The following MAPK4 variants were observed in gnomAD, a reference collection of about 807,000 sequenced individuals.
MAPK4 encodes the protein mitogen-activated protein kinase 4.
In MAPK4, 22 loss-of-function variants were observed where a neutral mutation model predicts 47.7. The observed-to-expected ratio is 0.46, with a 90% CI of 0.33 to 0.66. The LOEUF is 0.66. Among genes scored for constraint, MAPK4 ranks in the 30% least tolerant of loss-of-function variants. The pLI, the probability that MAPK4 is intolerant of heterozygous loss-of-function variation, is 0.02. For missense variants in MAPK4, 736 were observed against 831.7 expected (o/e 0.88, Z 1.42); for synonymous variants, 390 against 365.7 (o/e 1.07, Z -0.76).
At chr18:50,708,182 A>T (rs980473734) in intron 2 of MAPK4, among the ~76,000 whole-genome samples, 20 of 118,860 alleles carry the variant, frequency 1.7e-4, no homozygotes, top group Non-Finnish European at 4.0e-4. Context: ...ATTCCTTTTT[A>T]AAAAAGGTTT....
At chr18:50,582,683 G>C (rs2042356313) in intron 1 of MAPK4, among the ~76,000 whole-genome samples, 1 of 152,228 alleles carries the variant, frequency 6.6e-6, no homozygotes, top group South Asian at 2.1e-4. Flanking sequence ...CACCTGCTTG[G>C]CCTGGCAGAC....
At chr18:50,666,413 T>A (rs1226428276) in intron 2 of MAPK4, among the ~76,000 whole-genome samples, 1 of 152,166 alleles carries the variant, frequency 6.6e-6, no homozygotes, top group Non-Finnish European at 1.5e-5. Flanking sequence ...ATCAAAATGA[T>A]CCATGAATGT....
chr18:50,651,836 C>T (rs1240158164), intron 1 of MAPK4, among the ~76,000 whole-genome samples: 2 of 152,248 alleles, frequency 1.3e-5, no homozygotes, highest in Admixed American at 1.3e-4. Context: ...ATTCCCAACT[C>T]TCACAGAAAA....
intron 3 of MAPK4, 21 bp downstream of exon 3, chr18:50,715,244 C>T (rs1378984490): frequency 1.2e-6 from 2 of 1,607,800 alleles, no homozygotes; most frequent in Admixed American, 1.7e-5. Context: ...AACTATGCCA[C>T]CTTCCTTCTC....
At chr18:50,581,989 G>T (rs1372838423) in intron 1 of MAPK4, among the ~76,000 whole-genome samples, 4 of 152,172 alleles carry the variant, frequency 2.6e-5, no homozygotes, top group African/African-American at 4.8e-5. Context: ...TTAAAAAGAG[G>T]TGGGCTTATC....
chr18:50,704,295 A>C (rs937972562), intron 2 of MAPK4, among the ~76,000 whole-genome samples: 2 of 152,100 alleles, frequency 1.3e-5, no homozygotes, highest in Non-Finnish European at 2.9e-5. Context: ...GCAATGCTTG[A>C]GCTCAGGAGT....
intron 2 of MAPK4, among the ~76,000 whole-genome samples, chr18:50,684,353 G>A (rs1015353268): frequency 1.3e-5 from 2 of 151,958 alleles, no homozygotes; most frequent in African/African-American, 2.4e-5. Flanking sequence ...GAGACCAGCC[G>A]CAGAAACATC....
intron 1 of MAPK4, among the ~76,000 whole-genome samples, chr18:50,573,209 A>G (rs553958794): frequency 6.6e-6 from 1 of 152,338 alleles, no homozygotes; most frequent in African/African-American, 2.4e-5. Context: ...AAGGTGGAGA[A>G]AAAAGAAGTC....
intron 5 of MAPK4, among the ~76,000 whole-genome samples, chr18:50,727,594 G>A (rs1007247581): frequency 2.0e-5 from 3 of 152,146 alleles, no homozygotes; most frequent in African/African-American, 7.2e-5. Flanking sequence ...AGAGCCTGGA[G>A]GCAAAGAACA....
chr18:50,679,576 G>A (rs1449033073), intron 2 of MAPK4, among the ~76,000 whole-genome samples: 1 of 152,092 alleles, frequency 6.6e-6, no homozygotes, highest in Non-Finnish European at 1.5e-5. Flanking sequence ...GGGTTGAAAA[G>A]CTCATCTAAG....
At chr18:50,587,093 T>C (rs1417324440) in intron 1 of MAPK4, among the ~76,000 whole-genome samples, 1 of 152,246 alleles carries the variant, frequency 6.6e-6, no homozygotes, top group Non-Finnish European at 1.5e-5. Context: ...GGTGTTATTA[T>C]CTCTATCATA....
intron 2 of MAPK4, among the ~76,000 whole-genome samples, chr18:50,684,595 G>C (rs1053637998): frequency 1.3e-5 from 2 of 151,784 alleles, no homozygotes; most frequent in African/African-American, 2.4e-5. Flanking sequence ...GGTGAGCTCT[G>C]CCTTCGGGGG....
chr18:50,580,998 C>T (rs568680698), intron 1 of MAPK4, among the ~76,000 whole-genome samples: 24 of 152,142 alleles, frequency 1.6e-4, no homozygotes, highest in Non-Finnish European at 2.8e-4. Context: ...TTCTGCTTAC[C>T]CAGTAGCACA....
At chr18:50,709,915 A>G (rs1376642641) in intron 2 of MAPK4, among the ~76,000 whole-genome samples, 1 of 152,192 alleles carries the variant, frequency 6.6e-6, no homozygotes, top group Non-Finnish European at 1.5e-5. Flanking sequence ...TAACCATGTG[A>G]AATGCTCTTT....
intron 1 of MAPK4, among the ~76,000 whole-genome samples, chr18:50,592,293 T>TACTTGAGGGGC (rs1442713628): frequency 1.3e-5 from 2 of 152,158 alleles, no homozygotes; most frequent in Non-Finnish European, 2.9e-5. Context: ...AAGCAGTGGG[T>TACTTGAGGGGC]ACTTGAGGGG....
chr18:50,625,473 C>G (rs1390905364), intron 1 of MAPK4, among the ~76,000 whole-genome samples: 1 of 152,150 alleles, frequency 6.6e-6, no homozygotes, highest in Non-Finnish European at 1.5e-5. Context: ...GTCACAAACC[C>G]CCATTCCGTG....
intron 1 of MAPK4, among the ~76,000 whole-genome samples, chr18:50,607,701 G>T (rs2042594384): frequency 6.6e-6 from 1 of 152,184 alleles, no homozygotes; most frequent in Non-Finnish European, 1.5e-5. Flanking sequence ...ATTTCCATCA[G>T]TCATCCAAGG....
chr18:50,563,912 G>T (rs1249005792), intron 1 of MAPK4, among the ~76,000 whole-genome samples: 3 of 152,108 alleles, frequency 2.0e-5, no homozygotes, highest in Non-Finnish European at 4.4e-5. Flanking sequence ...TCTTCCAGGG[G>T]TCTTTGCACT....
intron 3 of MAPK4, among the ~76,000 whole-genome samples, chr18:50,719,039 G>A (rs933514284): frequency 1.9e-5 from 2 of 102,594 alleles, no homozygotes; most frequent in Non-Finnish European, 4.5e-5. Context: ...AGCCGAGATC[G>A]TGCCACTGCA....
Sources: gnomAD v4.1 joint callset for allele counts (sites outside exome capture counted in the v4.1 genomes callset) on GRCh38, gnomAD v4.1.1 for gene constraint, MANE v1.5 for transcripts, NCBI Gene and HGNC (gene_info 2026-07-23, HGNC 2026-07-21) for gene names.